The following ITGB1 variants were observed in gnomAD, a reference collection of about 807,000 sequenced individuals.
The protein encoded by ITGB1 is integrin subunit beta 1, also known as integrin beta-1.
Under a neutral mutation model 86.5 loss-of-function variants are expected in ITGB1, and 24 were observed. The ratio of observed to expected loss-of-function variants is 0.28; its 90% CI spans 0.20 to 0.39. The LOEUF (loss-of-function observed/expected upper bound fraction) is 0.39. ITGB1 is among the 10% of genes least tolerant of loss of function. The pLI is 1.00. For missense variants in ITGB1, 556 were observed against 946.9 expected (o/e 0.59, Z 5.42); for synonymous variants, 323 against 316.8 (o/e 1.02, Z -0.21).
chr10:32,913,371 G>A (rs996120108), intron 11 of ITGB1, among the ~76,000 whole-genome samples: 18 of 152,134 alleles, frequency 1.2e-4, no homozygotes, highest in African/African-American at 3.1e-4. Flanking sequence ...AAACTTGTCC[G>A]AGCTAAAGGA....
intron 6 of ITGB1, among the ~76,000 whole-genome samples, chr10:32,925,102 T>C (rs180995603): frequency 6.6e-6 from 1 of 152,246 alleles, no homozygotes; most frequent in Non-Finnish European, 1.5e-5. Flanking sequence ...GAAGGTCATC[T>C]AGAGAATGGG....
In ITGB1 at chr10:32,922,744, T is replaced by G; in HGVS notation, c.943-9A>C. The G allele has an allele frequency of 6.8e-7, 1 of 1,464,280 alleles. No homozygotes were observed. Among genetic ancestry groups the G allele is most frequent in the Admixed American group, 1.8e-5 (1 of 57,098 alleles). 90.7% of individuals were successfully genotyped at this position (1,464,280 alleles called of 1,614,324 possible). On this transcript the variant is annotated splice_polypyrimidine_tract_variant and intron_variant, in intron 7 of 15. Coordinates refer to ENST00000302278, the MANE Select transcript of ITGB1 (RefSeq NM_002211.4). ...GCAATAGAAGGATAATCCTAAGAAA[T>G]CAAGTAATATAATTTAGTATTTAAA...
At chr10:32,913,951 G>C (rs994892692) in intron 11 of ITGB1, among the ~76,000 whole-genome samples, 3 of 152,230 alleles carry the variant, frequency 2.0e-5, no homozygotes, top group African/African-American at 4.8e-5. Context: ...AAGCCCATCA[G>C]ACTAGCAGCA....
chr10:32,929,097 G>C (rs192990008), intron 4 of ITGB1, among the ~76,000 whole-genome samples: 91 of 152,270 alleles, frequency 6.0e-4, no homozygotes, highest in African/African-American at 2.1e-3. Context: ...ACAAAAAGAG[G>C]CCTGGAAGGC....
Position 32,932,550 on chromosome 10 carries a change from G to A in ITGB1, c.118C>T (p.Gln40Ter), listed in dbSNP as rs1311988149. The A allele has an allele frequency of 2.5e-6, 4 of 1,610,760 alleles. No individual in the cohort carries two copies. The highest frequency in any genetic ancestry group is 3.4e-6 in the Non-Finnish European group (4 of 1,177,132). ...CACCACCCACAATTTGGCCCTGCTT[G>A]TATACATTCTCCACATGATTTGGCA... ...ANAKSCGECI[Q>*]AGPNCGWCTN... The change falls in exon 3 of 16, where the codon CAA becomes TAA. Residue 40 changes from glutamine (Q) to a stop codon, truncating the protein, a stop_gained. Coordinates refer to ENST00000302278, the MANE Select transcript of ITGB1 (RefSeq NM_002211.4). LOFTEE classifies it high-confidence loss of function.
At chr10:32,920,157 T>C in intron 10 of ITGB1, 73 bp from the exon 11 acceptor site, 1 of 1,562,778 alleles carries the variant, frequency 6.4e-7, no homozygotes, top group Non-Finnish European at 8.7e-7. Context: ...AAAAAGTTGC[T>C]CACTTATTTT....
intron 14 of ITGB1, 49 bp from the exon 15 acceptor site, chr10:32,908,583 T>C (rs767037548): frequency 2.6e-6 from 4 of 1,539,534 alleles, no homozygotes; most frequent in Non-Finnish European, 2.7e-6. Flanking sequence ...CTGTGCAGTG[T>C]CTTATAAAAA....
At chr10:32,930,227 A>T (rs1483636503) in intron 3 of ITGB1, among the ~76,000 whole-genome samples, 183 bp from the exon 4 acceptor site, 1 of 152,212 alleles carries the variant, frequency 6.6e-6, no homozygotes, top group Non-Finnish European at 1.5e-5. Flanking sequence ...GTTAAAAAAC[A>T]ATCATTTCCA....
intron 2 of ITGB1, chr10:32,933,723 A>ATG (rs1253636033): frequency 1.3e-5 from 2 of 152,178 alleles, no homozygotes; most frequent in African/African-American, 4.8e-5. Flanking sequence ...GCATATATAT[A>ATG]TTAATACATG....
At chr10:32,942,884 TG>T (rs2095022374) in intron 1 of ITGB1, among the ~76,000 whole-genome samples, 1 of 151,756 alleles carries the variant, frequency 6.6e-6, no homozygotes, top group African/African-American at 2.4e-5. Context: ...TAAATTAGCC[TG>T]GGCAACATAG....
chr10:32,923,497 AC>A, intron 7 of ITGB1, 87 bp downstream of exon 7: 1 of 1,185,950 alleles, frequency 8.4e-7, no homozygotes, highest in East Asian at 2.6e-5. Flanking sequence ...ACCCTGAGAA[AC>A]CCCAAGCCAG....
intron 9 of ITGB1, 90 bp downstream of exon 9, chr10:32,922,167 A>C: frequency 1.3e-6 from 1 of 777,552 alleles, no homozygotes; most frequent in Non-Finnish European, 2.0e-6. Flanking sequence ...GGGCTCGCTA[A>C]AGTGTGTATG....
chr10:32,943,852 A>T (rs1176912419), intron 1 of ITGB1, among the ~76,000 whole-genome samples: 1 of 152,226 alleles, frequency 6.6e-6, no homozygotes, highest in Non-Finnish European at 1.5e-5. Flanking sequence ...TACTATCTTT[A>T]CCATACTGAG....
At chr10:32,935,433 C>A in intron 2 of ITGB1, 59 bp downstream of exon 2, 3 of 1,064,868 alleles carry the variant, frequency 2.8e-6, no homozygotes, top group South Asian at 2.6e-5. Context: ...CCTAACTGGT[C>A]AAAGCGCAAT....
At chr10:32,928,441 T>C (rs2094972455) in intron 4 of ITGB1, among the ~76,000 whole-genome samples, 177 bp from the exon 5 acceptor site, 1 of 152,240 alleles carries the variant, frequency 6.6e-6, no homozygotes, top group Admixed American at 6.5e-5. Flanking sequence ...TTCAGTTTCA[T>C]TCAACAAATA....
At chr10:32,948,174 A>G (rs929603009) in intron 1 of ITGB1, among the ~76,000 whole-genome samples, 1 of 152,222 alleles carries the variant, frequency 6.6e-6, no homozygotes, top group Non-Finnish European at 1.5e-5. Context: ...GACATCCTCA[A>G]TATCAAAACC....
chr10:32,907,831 G>A (rs974256736), intron 15 of ITGB1, among the ~76,000 whole-genome samples: 1 of 151,884 alleles, frequency 6.6e-6, no homozygotes, highest in African/African-American at 2.4e-5. Flanking sequence ...TTAAAAAAAA[G>A]TTACCAAAAA....
rs1442765070 is a variant in ITGB1, at chr10:32,946,759, G to C, written c.1-11201C>G. Among the ~76,000 whole-genome samples the C allele has an allele frequency of 4.0e-5, 4 of 101,014 alleles. 1 individual carries two copies. The highest frequency in any genetic ancestry group is 2.4e-4 in the East Asian group (1 of 4,140). The allele number at this position is 101,014 out of a possible 152,430, so 66.3% of individuals were successfully genotyped here. On this transcript the variant is annotated intron_variant, in intron 1 of 15. Transcript: ENST00000302278. ...GTTTGTATGTATTTCTGGGGGGGGG[G>C]GGGGGATTATTTTCCTTTTCTGCAG... is the stretch of plus-strand genomic sequence containing the variant.
rs118060971 is a variant in ITGB1 at position 32,944,087 on chromosome 10, A to G, written c.1-8529T>C. 1.0e-3 allele frequency among the ~76,000 whole-genome samples: 157 copies of G among 152,344 alleles called. 6 individuals are homozygous for G. The East Asian group carries it at 0.029, about 28-fold the overall frequency. On this transcript the variant is annotated intron_variant, in intron 1 of 15. Transcript: ENST00000302278. ...TAGAGGAGCCGCAGGGGAAAAAGCAAAAGAGAGGCACCTGAGGCAGCATGC... is the reference window on the plus strand; with the variant it reads ...TAGAGGAGCCGCAGGGGAAAAAGCAGAAGAGAGGCACCTGAGGCAGCATGC...
Sources: allele counts gnomAD v4.1 joint callset (sites outside exome capture counted in the v4.1 genomes callset), GRCh38; gene constraint gnomAD v4.1.1; transcripts MANE v1.5; gene names NCBI Gene and HGNC (gene_info 2026-07-23, HGNC 2026-07-21).